The following SEMA5A variants were observed in gnomAD, a reference collection of about 807,000 sequenced individuals.
SEMA5A encodes semaphorin-5A.
SEMA5A carries 55 observed loss-of-function variants against 135.5 expected under a neutral mutation model. That is an observed-to-expected ratio of 0.41 (90% CI 0.33 to 0.51). The LOEUF (loss-of-function observed/expected upper bound fraction) is 0.51, where lower values mean the gene tolerates loss of function less well. SEMA5A is among the 20% of genes least tolerant of loss of function. The pLI, the probability that SEMA5A is intolerant of heterozygous loss-of-function variation, is 0.37. For synonymous variants in SEMA5A, 580 were observed against 546.5 expected (o/e 1.06, Z -0.85); for missense variants, 1,290 against 1,419.9 (o/e 0.91, Z 1.47).
intron 1 of SEMA5A, among the ~76,000 whole-genome samples, chr5:9,442,735 T>C (rs1309440726): frequency 6.6e-6 from 1 of 152,202 alleles, no homozygotes; most frequent in Non-Finnish European, 1.5e-5. Context: ...ATATATTAAC[T>C]ATCTAAAATA....
rs376752222 is a variant in SEMA5A, at chr5:9,457,977, G to A, written c.-174-20125C>T. Among the ~76,000 whole-genome samples the A allele has an allele frequency of 2.2e-5, 3 of 137,836 alleles. No individual in the cohort carries two copies. In the Admixed American group the frequency reaches 2.4e-4, roughly 11 times the overall value. 90.4% of individuals were successfully genotyped at this position (137,836 alleles called of 152,430 possible). ...GGATGGAGTGCAGTGGCGCCATCTC[G>A]GCTCACTGCAAGCTCCGCCTCCCGG... On this transcript the variant is annotated intron_variant, in intron 1 of 22. Coordinates refer to ENST00000382496, the MANE Select transcript of SEMA5A (RefSeq NM_003966.3).
chr5:9,112,879 C>G (rs1433457513), intron 15 of SEMA5A, among the ~76,000 whole-genome samples: 2 of 152,194 alleles, frequency 1.3e-5, no homozygotes, highest in African/African-American at 4.8e-5. Context: ...TTCAAGAGAA[C>G]TTTCTCCCTT....
intron 3 of SEMA5A, among the ~76,000 whole-genome samples, chr5:9,343,938 C>G (rs972681695): frequency 2.6e-5 from 4 of 152,174 alleles, no homozygotes; most frequent in African/African-American, 9.7e-5. Flanking sequence ...TTGGTTCCCT[C>G]AAATCTTTTC....
intron 11 of SEMA5A, among the ~76,000 whole-genome samples, chr5:9,188,082 C>T (rs572588715): frequency 3.3e-5 from 5 of 152,238 alleles, no homozygotes; most frequent in East Asian, 1.9e-4. Context: ...AATTAGGAGA[C>T]GGGGCTTTAG....
chr5:9,428,202 T>C (rs1222380338), intron 2 of SEMA5A, among the ~76,000 whole-genome samples: 2 of 150,898 alleles, frequency 1.3e-5, no homozygotes, highest in East Asian at 3.9e-4. Flanking sequence ...CCCAGAATTG[T>C]GGTCACAGCA....
intron 5 of SEMA5A, among the ~76,000 whole-genome samples, chr5:9,309,997 C>T (rs569731734): frequency 6.6e-6 from 1 of 152,014 alleles, no homozygotes; most frequent in Non-Finnish European, 1.5e-5. Context: ...AATTATTACA[C>T]AGCGAGTCCA....
chr5:9,497,374 T>C (rs1735356722), intron 1 of SEMA5A, among the ~76,000 whole-genome samples: 1 of 152,244 alleles, frequency 6.6e-6, no homozygotes, highest in African/African-American at 2.4e-5. Flanking sequence ...TTTTCAAATA[T>C]ACAGTCCATA....
At chr5:9,344,929 C>T (rs1376049715) in intron 3 of SEMA5A, among the ~76,000 whole-genome samples, 9 of 152,100 alleles carry the variant, frequency 5.9e-5, no homozygotes, top group East Asian at 1.9e-4. Flanking sequence ...ACCACCTGCC[C>T]AAGGCTATGC....
intron 12 of SEMA5A, among the ~76,000 whole-genome samples, chr5:9,138,989 C>T (rs1405486868): frequency 6.6e-6 from 1 of 152,184 alleles, no homozygotes; most frequent in Non-Finnish European, 1.5e-5. Context: ...TCTTCAACCT[C>T]TCCTTGATGG....
At chr5:9,352,427 T>G (rs1184065730) in intron 3 of SEMA5A, among the ~76,000 whole-genome samples, 1 of 152,160 alleles carries the variant, frequency 6.6e-6, no homozygotes, top group Non-Finnish European at 1.5e-5. Flanking sequence ...TTTTTGTATT[T>G]TTCGTAAAAA....
intron 13 of SEMA5A, among the ~76,000 whole-genome samples, chr5:9,135,179 C>CT (rs11297927): frequency 0.011 from 1,328 of 123,480 alleles, 11 homozygotes; most frequent in East Asian, 0.03. Context: ...TTCCGACTTT[C>CT]TTTTTTTTTT....
chr5:9,471,589 G>C (rs1431841624), intron 1 of SEMA5A, among the ~76,000 whole-genome samples: 2 of 152,148 alleles, frequency 1.3e-5, no homozygotes, highest in Non-Finnish European at 2.9e-5. Flanking sequence ...TTTTAGCAAA[G>C]TAACCCGTCC....
At chr5:9,468,968 T>C (rs2126748575) in intron 1 of SEMA5A, among the ~76,000 whole-genome samples, 1 of 152,294 alleles carries the variant, frequency 6.6e-6, no homozygotes, top group Admixed American at 6.5e-5. Context: ...ATTTCTATGT[T>C]GGTGAGGCTT....
intron 12 of SEMA5A, among the ~76,000 whole-genome samples, chr5:9,141,293 A>G (rs1005898113): frequency 6.6e-6 from 1 of 152,210 alleles, no homozygotes; most frequent in African/African-American, 2.4e-5. Flanking sequence ...GCTTTTCTGT[A>G]TTCCACTTTG....
At chr5:9,119,274 C>A in intron 14 of SEMA5A, 133 bp from the exon 15 acceptor site, 2 of 1,071,044 alleles carry the variant, frequency 1.9e-6, no homozygotes, top group South Asian at 1.5e-5. Context: ...AAAACACCAG[C>A]CAGGGGACTG....
intron 16 of SEMA5A, among the ~76,000 whole-genome samples, chr5:9,105,188 C>G (rs753025834): frequency 2.0e-5 from 3 of 152,152 alleles, no homozygotes; most frequent in African/African-American, 7.2e-5. Context: ...GAGCAATTTA[C>G]GAGTAGGGAT....
intron 1 of SEMA5A, among the ~76,000 whole-genome samples, chr5:9,495,101 T>C (rs1056687209): frequency 1.3e-5 from 2 of 152,242 alleles, no homozygotes; most frequent in Non-Finnish European, 2.9e-5. Context: ...GTTTAAATTC[T>C]ATTTTTCTTT....
intron 4 of SEMA5A, among the ~76,000 whole-genome samples, chr5:9,327,121 C>T (rs1014947829): frequency 3.3e-5 from 5 of 152,010 alleles, no homozygotes; most frequent in Non-Finnish European, 7.4e-5. Flanking sequence ...CAAAGCCTTT[C>T]CAAATAGTAT....
chr5:9,165,478 T>C (rs1454653687), intron 11 of SEMA5A, among the ~76,000 whole-genome samples: 1 of 152,190 alleles, frequency 6.6e-6, no homozygotes, highest in Non-Finnish European at 1.5e-5. Context: ...CTGAATCCAA[T>C]AGAGAAATTA....
Sources: gnomAD v4.1 joint callset for allele counts (sites outside exome capture counted in the v4.1 genomes callset) on GRCh38, gnomAD v4.1.1 for gene constraint, MANE v1.5 for transcripts, NCBI Gene and HGNC (gene_info 2026-07-23, HGNC 2026-07-21) for gene names.